GRIK3: variants seen among roughly 807,000 people sequenced by gnomAD.
GRIK3 encodes glutamate receptor ionotropic, kainate 3.
A neutral mutation model predicts 102.5 loss-of-function variants in GRIK3; 29 were observed. That is an observed-to-expected ratio of 0.28 (90% CI 0.21 to 0.39). The LOEUF is 0.39. Ranked by LOEUF, GRIK3 falls within the 10% of genes least tolerant of loss-of-function variation. The probability of loss-of-function intolerance (pLI) is 1.00; values close to 1 mark genes in which losing one functional copy is unlikely to be tolerated. For synonymous variants in GRIK3, 511 were observed against 504.9 expected, an observed-to-expected ratio of 1.01 and a Z score of -0.16; for missense variants, 908 against 1,252.4, an observed-to-expected ratio of 0.73 and a Z score of 4.15.
intron 1 of GRIK3, among the ~76,000 whole-genome samples, chr1:36,956,454 C>T (rs181243036): frequency 6.6e-6 from 1 of 152,212 alleles, no homozygotes; most frequent in South Asian, 2.1e-4. Flanking sequence ...GCATGCCCAC[C>T]GGAGAGGGAA....
chr1:36,872,140 T>G lies in GRIK3; in HGVS notation c.732+48A>C. On this transcript the variant is annotated intron_variant, in intron 4 of 15. Transcript: ENST00000373091. This position sits in a 1 kb window ranked among gnomAD's most constrained non-coding sequence, Gnocchi z 5.9. ...ATTTGGGAAGGGGACGTGGGAGAAG[T>G]GGCCAGCAGACCCCAGTCATCTGTC... is the stretch of plus-strand genomic sequence containing the variant. 6.7e-7 allele frequency: 1 copy of G among 1,489,860 alleles called. No homozygotes were observed. Among genetic ancestry groups the G allele is most frequent in the South Asian group, 1.3e-5 (1 of 74,762 alleles). The allele number at this position is 1,489,860 out of a possible 1,614,324, so 92.3% of individuals were successfully genotyped here. A position where few individuals can be genotyped will look rare whatever the true frequency, so the allele number is the denominator to read the frequency against.
In GRIK3 at chr1:36,999,996, C is replaced by T. The variant is rs966042419; in HGVS notation, c.115+33998G>A. Among the ~76,000 whole-genome samples the T allele has an allele frequency of 9.9e-5, 15 of 151,800 alleles. No homozygotes were observed. In the East Asian group the frequency reaches 2.3e-3, roughly 23 times the overall value. On this transcript the variant is annotated intron_variant, in intron 1 of 15. Coordinates refer to ENST00000373091, the MANE Select transcript of GRIK3 (RefSeq NM_000831.4). The stretch of plus-strand genomic sequence containing the variant: ...TGGGTGACAGAGCGAGACTCCGTCT[C>T]AGAAAAAAAAAGAGAACTTAATATT...
chr1:36,980,638 C>T (rs969092978), intron 1 of GRIK3, among the ~76,000 whole-genome samples: 1 of 152,010 alleles, frequency 6.6e-6, no homozygotes, highest in Non-Finnish European at 1.5e-5. Flanking sequence ...GGGCAGTCAG[C>T]TCTGCCCATT....
At chr1:36,962,483 G>T (rs542129736) in intron 1 of GRIK3, among the ~76,000 whole-genome samples, 20 of 152,078 alleles carry the variant, frequency 1.3e-4, no homozygotes, top group Non-Finnish European at 1.5e-5. Flanking sequence ...TAGATTCAGG[G>T]GAAGGAGACA....
Position 37,022,748 on chromosome 1 carries a change from C to G in GRIK3, c.115+11246G>C, listed in dbSNP as rs570397536. Among the ~76,000 whole-genome samples, 3 of 152,316 alleles carry G rather than the reference C, an allele frequency of 2.0e-5. No homozygotes were observed. The East Asian group carries it at 5.8e-4, about 29-fold the overall frequency. On this transcript the variant is annotated intron_variant, in intron 1 of 15. Coordinates refer to ENST00000373091, the MANE Select transcript of GRIK3 (RefSeq NM_000831.4). ...TTAGGTGGACTTACATTCAAATGAC[C>G]ATATTCACCATTGCATTCATTTATT...
intron 5 of GRIK3, among the ~76,000 whole-genome samples, chr1:36,864,319 G>A (rs1640759718): frequency 1.3e-5 from 2 of 152,180 alleles, no homozygotes; most frequent in African/African-American, 4.8e-5. Context: ...GTGGTGTTAT[G>A]CAAGTTTGGG....
intron 1 of GRIK3, among the ~76,000 whole-genome samples, chr1:36,964,851 G>T (rs1227780734): frequency 6.6e-6 from 1 of 152,222 alleles, no homozygotes; most frequent in African/African-American, 2.4e-5. Flanking sequence ...TCCTGTGGGG[G>T]AGAGAGCACA....
chr1:36,915,830 G>A (rs1001757346), intron 1 of GRIK3, among the ~76,000 whole-genome samples: 11 of 152,146 alleles, frequency 7.2e-5, no homozygotes, highest in Admixed American at 6.5e-4. Flanking sequence ...AAATTGCCCA[G>A]TCTTGGGTAT....
intron 1 of GRIK3, among the ~76,000 whole-genome samples, chr1:36,952,601 G>A (rs1035704175): frequency 6.6e-6 from 1 of 152,172 alleles, no homozygotes; most frequent in Non-Finnish European, 1.5e-5. Context: ...TAATGAACAC[G>A]CACTGTGTGC....
chr1:36,851,841 G>A (rs547390), intron 8 of GRIK3, among the ~76,000 whole-genome samples: 29,593 of 152,184 alleles, frequency 0.19, 3,442 homozygotes, highest in African/African-American at 0.33. Flanking sequence ...GTGGGATCAG[G>A]TGGAAAGAGT....
chr1:36,846,473 G>C (rs3767046), intron 9 of GRIK3, among the ~76,000 whole-genome samples: 18,172 of 152,224 alleles, frequency 0.12, 1,205 homozygotes, highest in Non-Finnish European at 0.15. Flanking sequence ...CCCTTATCAG[G>C]GGTCTTGGAT....
intron 1 of GRIK3, among the ~76,000 whole-genome samples, chr1:36,946,173 C>T (rs908703333): frequency 2.0e-5 from 3 of 152,222 alleles, no homozygotes; most frequent in Non-Finnish European, 2.9e-5. Context: ...GACAGGAGAG[C>T]GATGGGTATC....
At chr1:36,903,210 A>G (rs988097550) in intron 1 of GRIK3, among the ~76,000 whole-genome samples, 1 of 152,238 alleles carries the variant, frequency 6.6e-6, no homozygotes. Context: ...GAAAATAAGC[A>G]TATGAAGATA....
chr1:37,030,155 C>T (rs187317698), intron 1 of GRIK3, among the ~76,000 whole-genome samples: 1 of 152,338 alleles, frequency 6.6e-6, no homozygotes, highest in East Asian at 1.9e-4. Context: ...GCCCCGCGGG[C>T]CACTCCCAGG....
At chr1:36,964,952 T>A (rs1176264430) in intron 1 of GRIK3, among the ~76,000 whole-genome samples, 1 of 152,230 alleles carries the variant, frequency 6.6e-6, no homozygotes, top group East Asian at 1.9e-4. Flanking sequence ...TGAAACGCTG[T>A]TAATTCCCCC....
At position 36,841,900 on chromosome 1, in the gene GRIK3, G is replaced by A; in HGVS notation, c.1366C>T (p.Leu456=). The A allele has an allele frequency of 6.2e-7, 1 of 1,614,214 alleles. No homozygotes were observed. The highest frequency in any genetic ancestry group is 8.5e-7 in the Non-Finnish European group (1 of 1,180,036). The change falls in exon 10 of 16, where the codon CTA becomes TTA. Residue 456 remains leucine (L), a synonymous_variant. Coordinates refer to ENST00000373091, the MANE Select transcript of GRIK3 (RefSeq NM_000831.4). ...CCCTCGAACCGGTCATTCCCGTATAGCGTCCTGTCTGATTTCCGAAACATG... is the reference window on the plus strand; with the variant it reads ...CCCTCGAACCGGTCATTCCCGTATAACGTCCTGTCTGATTTCCGAAACATG... ...FVMFRKSDRT[L]YGNDRFEGYC...
intron 13 of GRIK3, among the ~76,000 whole-genome samples, chr1:36,813,814 C>T (rs1030540364): frequency 1.2e-4 from 18 of 152,220 alleles, no homozygotes; most frequent in African/African-American, 3.9e-4. Flanking sequence ...AATGTATCTA[C>T]ATTCAGGCTC....
intron 1 of GRIK3, among the ~76,000 whole-genome samples, chr1:36,989,098 G>A (rs567508737): frequency 7.2e-5 from 11 of 151,828 alleles, no homozygotes; most frequent in South Asian, 2.1e-4. Flanking sequence ...ACAGGCTCAC[G>A]CCCCACTCCC....
intron 10 of GRIK3, among the ~76,000 whole-genome samples, chr1:36,834,807 C>A (rs1320947530): frequency 6.6e-6 from 1 of 152,204 alleles, no homozygotes; most frequent in African/African-American, 2.4e-5. Flanking sequence ...CACAGTCCTG[C>A]CAGTGCTCCG....
Sources: gnomAD v4.1 joint callset for allele counts (sites outside exome capture counted in the v4.1 genomes callset) on GRCh38, gnomAD v4.1.1 for gene constraint, Gnocchi (gnomAD v3.1) non-coding constraint, MANE v1.5 for transcripts, NCBI Gene and HGNC (gene_info 2026-07-23, HGNC 2026-07-21) for gene names.